Variants in SLC30A10 observed in about 807,000 individuals in gnomAD.
SLC30A10 encodes calcium/manganese antiporter SLC30A10.
A neutral mutation model predicts 21.7 loss-of-function variants in SLC30A10; 8 were observed. The observed-to-expected ratio is 0.37, with a 90% CI of 0.22 to 0.67. The LOEUF (loss-of-function observed/expected upper bound fraction) is 0.67, where lower values mean the gene tolerates loss of function less well. SLC30A10 is among the 30% of genes least tolerant of loss of function. The pLI is 0.58. For missense variants in SLC30A10, 521 were observed against 642.5 expected, an observed-to-expected ratio of 0.81 and a Z score of 2.04; for synonymous variants, 272 against 279.4, an observed-to-expected ratio of 0.97 and a Z score of 0.26.
intron 1 of SLC30A10, among the ~76,000 whole-genome samples, chr1:219,940,949 G>A (rs146399106): frequency 1.8e-4 from 28 of 152,244 alleles, no homozygotes; most frequent in Middle Eastern, 3.4e-3. Context: ...CTCTCACTGA[G>A]AGTAGAAAAA....
chr1:219,950,747 T>G (rs1193039519), intron 1 of SLC30A10, among the ~76,000 whole-genome samples: 1 of 149,310 alleles, frequency 6.7e-6, no homozygotes, highest in African/African-American at 2.5e-5. Context: ...GTCAGGAGTT[T>G]GAGACCAGCC....
chr1:219,927,161 A>G (rs1204922801), intron 1 of SLC30A10, 56 bp from the exon 2 acceptor site: 6 of 1,570,628 alleles, frequency 3.8e-6, no homozygotes, highest in Non-Finnish European at 5.3e-6. Flanking sequence ...CAAACAAAAA[A>G]AAACCAATGG....
chr1:219,922,182 T>A (rs940327887), intron 2 of SLC30A10, among the ~76,000 whole-genome samples: 3 of 34,864 alleles, frequency 8.6e-5, no homozygotes, highest in African/African-American at 4.8e-4. Context: ...GTGTGTTTTT[T>A]TTTTTTTTTT....
chr1:219,916,968 G>GT (rs749604118), intron 3 of SLC30A10, among the ~76,000 whole-genome samples: 2,269 of 132,276 alleles, frequency 0.017, 30 homozygotes, highest in Middle Eastern at 0.059. Flanking sequence ...ATCTTGTGGG[G>GT]TTTTTTTTTT....
At chr1:219,937,688 C>G (rs1660064590) in intron 1 of SLC30A10, among the ~76,000 whole-genome samples, 1 of 152,178 alleles carries the variant, frequency 6.6e-6, no homozygotes. Context: ...CTGGTGTGTG[C>G]CTTTAATCCC....
At chr1:219,940,757 G>A (rs370838125) in intron 1 of SLC30A10, among the ~76,000 whole-genome samples, 31 of 152,324 alleles carry the variant, frequency 2.0e-4, no homozygotes, top group African/African-American at 7.0e-4. Flanking sequence ...CAGGAAGGCC[G>A]AGACTTACTG....
In SLC30A10 at chr1:219,918,269, T is replaced by C. The variant is rs1021454258; in HGVS notation, c.944A>G (p.Asn315Ser). The stretch of plus-strand genomic sequence containing the variant: ...AGTCTACTTACTCAGCTCTTCCATG[T>C]TGACTCCTTTTGGGACCATCTGTAG... ...ILLQMVPKGV[N>S]MEELMSKLSA... The change falls in exon 3 of 4, where the codon AAC (asparagine) becomes AGC (serine). Residue 315 changes from asparagine (N) to serine (S), a missense_variant. Asn to Ser is a conservative substitution (Grantham distance 46). Transcript: ENST00000366926. This position sits in a 1 kb window ranked among gnomAD's most constrained non-coding sequence, Gnocchi z 4.4. 6.2e-7 allele frequency: 1 copy of C among 1,614,122 alleles called. No homozygotes were observed. The highest frequency in any genetic ancestry group is 1.3e-5 in the African/African-American group (1 of 75,056).
rs1659601865 is a variant in SLC30A10 at position 219,918,552 on chromosome 1, C to G, written c.719-58G>C. On this transcript the variant is annotated intron_variant, in intron 2 of 3. Transcript: ENST00000366926. The surrounding 1 kb of genome is among the most constrained non-coding windows in gnomAD (Gnocchi z 4.4). ...GCAAATCTGGAAGCCACGTGACACT[C>G]ACTGACTTGGGTGTCCGGGTATATG... The G allele has an allele frequency of 6.6e-7, 1 of 1,523,226 alleles. No individual in the cohort carries two copies. Among genetic ancestry groups the G allele is most frequent in the South Asian group, 1.3e-5 (1 of 76,000 alleles). The allele number at this position is 1,523,226 out of a possible 1,614,324, so 94.4% of individuals were successfully genotyped here. A position where few individuals can be genotyped will look rare whatever the true frequency, so the allele number is the denominator to read the frequency against.
At chr1:219,920,714 G>A (rs961880531) in intron 2 of SLC30A10, among the ~76,000 whole-genome samples, 2 of 152,132 alleles carry the variant, frequency 1.3e-5, no homozygotes, top group African/African-American at 4.8e-5. Flanking sequence ...CTGTAAGGTG[G>A]TTACCCTTGT....
chr1:219,947,042 C>G (rs1464346824), intron 1 of SLC30A10, among the ~76,000 whole-genome samples: 1 of 152,130 alleles, frequency 6.6e-6, no homozygotes, highest in Non-Finnish European at 1.5e-5. Flanking sequence ...GTAAAGAATT[C>G]TACAGAAAAC....
intron 2 of SLC30A10, among the ~76,000 whole-genome samples, chr1:219,926,801 G>C (rs1378571857): frequency 1.3e-5 from 2 of 152,186 alleles, no homozygotes; most frequent in East Asian, 3.8e-4. Flanking sequence ...CTCTGGAGCA[G>C]GCAGTATTAG....
rs1178839595 is a variant in SLC30A10 at position 219,927,932 on chromosome 1, G to A, written c.509C>T (p.Pro170Leu). 15 of 1,537,948 alleles carry A rather than the reference G, an allele frequency of 9.8e-6. No individual in the cohort carries two copies. The highest frequency in any genetic ancestry group is 1.2e-5 in the Non-Finnish European group (14 of 1,142,162). ...EGCVPGAFGG[P>L]QGAEDPRRAA... ...GCGCCGCGGGTCCTCCGCGCCCTGA[G>A]GCCCCCCGAAAGCGCCGGGGACACA... The change falls in exon 1 of 4, where the codon CCT (proline) becomes CTT (leucine). Residue 170 changes from proline (P) to leucine (L), a missense_variant. Coordinates refer to ENST00000366926, the MANE Select transcript of SLC30A10 (RefSeq NM_018713.3).
At chr1:219,932,271 C>G (rs1659979754), upstream of SLC30A10, among the ~76,000 whole-genome samples, 1 of 152,096 alleles carries the variant, frequency 6.6e-6, no homozygotes, top group South Asian at 2.1e-4. Flanking sequence ...AGCCACTGCT[C>G]CTGGCCTTTA....
At chr1:219,917,708 C>CTTTT (rs35106027) in intron 3 of SLC30A10, among the ~76,000 whole-genome samples, 61 of 104,070 alleles carry the variant, frequency 5.9e-4, no homozygotes, top group East Asian at 3.1e-3. Context: ...TTTTTCTTTC[C>CTTTT]TTTTTTTTTT....
rs917343883 is a variant in SLC30A10 at position 219,915,332 on chromosome 1, C to G, written c.*117G>C. The G allele has an allele frequency of 4.5e-5, 59 of 1,307,358 alleles. No homozygotes were observed. The highest frequency in any genetic ancestry group is 5.9e-5 in the Non-Finnish European group (56 of 943,234). 81.0% of individuals were successfully genotyped at this position (1,307,358 alleles called of 1,614,324 possible). On this transcript the variant is annotated 3_prime_UTR_variant, in exon 4 of 4. Coordinates refer to ENST00000366926, the MANE Select transcript of SLC30A10 (RefSeq NM_018713.3). ...CCAAACAGCCAACCCCTAGTGAACA[C>G]AGAGCATGCATGCTGCAAGTCTAGT...
chr1:219,938,345 C>T (rs1332450157), intron 1 of SLC30A10, among the ~76,000 whole-genome samples: 2 of 152,220 alleles, frequency 1.3e-5, no homozygotes, highest in African/African-American at 2.4e-5. Context: ...CCTCCAAAGG[C>T]CCATCACTCT....
intron 1 of SLC30A10, among the ~76,000 whole-genome samples, chr1:219,952,749 A>T (rs756499508): frequency 9.9e-5 from 15 of 152,210 alleles, no homozygotes; most frequent in Non-Finnish European, 2.2e-4. Flanking sequence ...CTCATTTTTC[A>T]TTAAAATTTA....
intron 1 of SLC30A10, among the ~76,000 whole-genome samples, chr1:219,943,958 G>A (rs535701817): frequency 6.6e-6 from 1 of 151,744 alleles, no homozygotes; most frequent in African/African-American, 2.4e-5. Flanking sequence ...AAATTAGCAG[G>A]GCATGGTGGT....
chr1:219,924,554 C>T (rs761772236), intron 2 of SLC30A10, among the ~76,000 whole-genome samples: 24 of 152,244 alleles, frequency 1.6e-4, no homozygotes, highest in South Asian at 6.2e-4. Context: ...CACACTTAGC[C>T]GGGAATATGT....
Sources: allele counts gnomAD v4.1 joint callset (sites outside exome capture counted in the v4.1 genomes callset), GRCh38; gene constraint gnomAD v4.1.1; non-coding constraint Gnocchi (gnomAD v3.1); transcripts MANE v1.5; gene names NCBI Gene and HGNC (gene_info 2026-07-23, HGNC 2026-07-21).